Variants in FRK observed in about 807,000 individuals in gnomAD.
The protein encoded by FRK is tyrosine-protein kinase FRK.
FRK carries 51 observed loss-of-function variants against 56.4 expected under a neutral mutation model. The observed-to-expected ratio is 0.90, with a 90% CI of 0.72 to 1.14. The LOEUF is 1.14. Among genes scored for constraint, FRK ranks in the 50% most tolerant of loss-of-function variants. FRK has a pLI of 0.00. For missense variants in FRK, 570 were observed against 601.4 expected, an observed-to-expected ratio of 0.95 and a Z score of 0.55; for synonymous variants, 245 against 217.9, an observed-to-expected ratio of 1.12 and a Z score of -1.10.
chr6:115,951,208 T>C (rs1562252138), intron 5 of FRK, among the ~76,000 whole-genome samples: 2 of 152,130 alleles, frequency 1.3e-5, no homozygotes, highest in African/African-American at 2.4e-5. Context: ...TGAATGAAGT[T>C]AATATTTATA....
intron 2 of FRK, among the ~76,000 whole-genome samples, chr6:115,991,995 T>G (rs563658479): frequency 1.3e-5 from 2 of 151,726 alleles, no homozygotes; most frequent in African/African-American, 2.4e-5. Flanking sequence ...CCCAAAAATT[T>G]TATTTCCCAG....
chr6:115,985,287 A>T (rs141013867), intron 2 of FRK, among the ~76,000 whole-genome samples: 186 of 152,258 alleles, frequency 1.2e-3, no homozygotes, highest in Non-Finnish European at 2.2e-3. Context: ...CGGCCCTTTC[A>T]TGAGCTCTCT....
chr6:116,072,929 C>T, the FRK span, among the ~76,000 whole-genome samples: 1 of 152,234 alleles, frequency 6.6e-6, no homozygotes, highest in African/African-American at 2.4e-5. Flanking sequence ...AATAAAATAT[C>T]CCTCTGAAAT....
intron 2 of FRK, among the ~76,000 whole-genome samples, chr6:115,992,138 A>G (rs943281844): frequency 5.9e-5 from 9 of 151,468 alleles, no homozygotes; most frequent in Non-Finnish European, 1.0e-4. Flanking sequence ...TTTTCATTTC[A>G]TTCATCCTTT....
At chr6:115,976,681 T>A (rs767257455) in intron 2 of FRK, among the ~76,000 whole-genome samples, 1 of 152,154 alleles carries the variant, frequency 6.6e-6, no homozygotes, top group Non-Finnish European at 1.5e-5. Flanking sequence ...ACTCCCCTAA[T>A]CTTATTCTGC....
chr6:116,026,814 G>T (rs1776111809), intron 1 of FRK, among the ~76,000 whole-genome samples: 1 of 152,138 alleles, frequency 6.6e-6, no homozygotes, highest in African/African-American at 2.4e-5. Context: ...ATCAGTGAAT[G>T]ATGCCAGTAA....
rs1447229659 is a variant in FRK at position 115,938,323 on chromosome 6, G to A, written c.*4091C>T. On this transcript the variant is annotated 3_prime_UTR_variant, in exon 8 of 8. Coordinates refer to ENST00000606080, the MANE Select transcript of FRK (RefSeq NM_002031.3). ...CCAGAATCTCTGGGACACATTTAAAGCAGTGTGTAGAGGGAAATTTATAGC... is the reference window on the plus strand; with the variant it reads ...CCAGAATCTCTGGGACACATTTAAAACAGTGTGTAGAGGGAAATTTATAGC... 6.6e-6 allele frequency: 1 copy of A among 152,212 alleles called. No individual in the cohort carries two copies. The highest frequency in any genetic ancestry group is 1.5e-5 in the Non-Finnish European group (1 of 68,034). 9.4% of individuals were successfully genotyped at this position (152,212 alleles called of 1,614,324 possible).
rs1777079271 is a variant in FRK, at chr6:116,048,787, T to A, written c.344+11181A>T. Reference sequence around the variant, plus strand: ...ATTTACCAAATAAGAATATATGAATTTACTTAAATTTTACCATTAATTTCC... The same window carrying A: ...ATTTACCAAATAAGAATATATGAATATACTTAAATTTTACCATTAATTTCC... On this transcript the variant is annotated intron_variant, in intron 1 of 7. Transcript: ENST00000606080. Among the ~76,000 whole-genome samples, 3 of 152,178 alleles carry A rather than the reference T, an allele frequency of 2.0e-5. No individual in the cohort carries two copies. In the South Asian group the frequency reaches 6.2e-4, roughly 32 times the overall value.
chr6:115,993,106 T>C (rs916726345), intron 2 of FRK, among the ~76,000 whole-genome samples: 1 of 151,782 alleles, frequency 6.6e-6, no homozygotes, highest in African/African-American at 2.4e-5. Flanking sequence ...TGCTAAAATT[T>C]TTAAAGTTGA....
At chr6:116,078,320 GACAAT>G in the FRK span, among the ~76,000 whole-genome samples, 16 of 152,246 alleles carry the variant, frequency 1.1e-4, no homozygotes, top group Non-Finnish European at 1.9e-4. Context: ...TAGGACTAAA[GACAAT>G]ACAATAGTCT....
chr6:116,006,621 G>C (rs1775257771), intron 1 of FRK, among the ~76,000 whole-genome samples: 1 of 152,110 alleles, frequency 6.6e-6, no homozygotes, highest in South Asian at 2.1e-4. Context: ...CAGGAGAAAA[G>C]ATAAACAAAC....
chr6:116,087,627 A>G, the FRK span, among the ~76,000 whole-genome samples: 1 of 152,288 alleles, frequency 6.6e-6, no homozygotes, highest in Admixed American at 6.5e-5. Flanking sequence ...CAGATGGAAC[A>G]GAAAGAGAAG....
At chr6:115,989,951 T>C (rs931772650) in intron 2 of FRK, among the ~76,000 whole-genome samples, 2 of 151,930 alleles carry the variant, frequency 1.3e-5, no homozygotes, top group African/African-American at 4.8e-5. Context: ...CAATATCTGT[T>C]ATTTCTTGAT....
chr6:116,082,283 G>A, the FRK span, among the ~76,000 whole-genome samples: 2 of 152,188 alleles, frequency 1.3e-5, no homozygotes, highest in African/African-American at 4.8e-5. Context: ...CCTTAGACTC[G>A]ATTCTGAGTG....
intron 5 of FRK, among the ~76,000 whole-genome samples, chr6:115,944,684 A>G (rs1392463789): frequency 6.6e-6 from 1 of 152,086 alleles, no homozygotes; most frequent in Non-Finnish European, 1.5e-5. Context: ...CAATTATCTG[A>G]GAGTCTGGCT....
At chr6:116,079,159 G>A in the FRK span, among the ~76,000 whole-genome samples, 23 of 151,810 alleles carry the variant, frequency 1.5e-4, no homozygotes, top group Admixed American at 1.4e-3. Context: ...TAGATTATAG[G>A]CATCTATACT....
intron 1 of FRK, among the ~76,000 whole-genome samples, chr6:116,036,022 T>C (rs1776468583): frequency 6.6e-6 from 1 of 152,136 alleles, no homozygotes; most frequent in Non-Finnish European, 1.5e-5. Flanking sequence ...CTAAGTTCCA[T>C]TAAAAGTGAT....
intron 1 of FRK, among the ~76,000 whole-genome samples, chr6:116,030,989 A>G (rs1776287181): frequency 6.6e-6 from 1 of 152,138 alleles, no homozygotes; most frequent in Admixed American, 6.6e-5. Flanking sequence ...AGAGCCTTAA[A>G]TCATTCATTG....
chr6:115,948,261 G>C (rs748549288), intron 5 of FRK, among the ~76,000 whole-genome samples: 4 of 152,130 alleles, frequency 2.6e-5, no homozygotes, highest in Non-Finnish European at 5.9e-5. Flanking sequence ...CAGTCCAACA[G>C]CCCAGGAGGA....
Sources: gnomAD v4.1 joint callset for allele counts (sites outside exome capture counted in the v4.1 genomes callset) on GRCh38, gnomAD v4.1.1 for gene constraint, MANE v1.5 for transcripts, NCBI Gene and HGNC (gene_info 2026-07-23, HGNC 2026-07-21) for gene names.